SETD3: variants seen among roughly 807,000 people sequenced by gnomAD.
SETD3 encodes the protein SET domain containing 3, actin N3(tau)-histidine methyltransferase.
SETD3 carries 19 observed loss-of-function variants against 63.0 expected under a neutral mutation model. The ratio of observed to expected loss-of-function variants is 0.30; its 90% CI spans 0.21 to 0.44. SETD3 has a LOEUF of 0.44. Among genes scored for constraint, SETD3 ranks in the 20% least tolerant of loss-of-function variants. The pLI is 1.00. For synonymous variants in SETD3, 286 were observed against 264.1 expected, an observed-to-expected ratio of 1.08 and a Z score of -0.80; for missense variants, 587 against 728.5, an observed-to-expected ratio of 0.81 and a Z score of 2.24.
intron 1 of SETD3, among the ~76,000 whole-genome samples, chr14:99,470,512 G>C (rs1222917407): frequency 6.6e-6 from 1 of 152,178 alleles, no homozygotes; most frequent in South Asian, 2.1e-4. Context: ...TAGGGCACAG[G>C]ATCCTAGACC....
intron 6 of SETD3, among the ~76,000 whole-genome samples, chr14:99,440,334 G>T (rs970963922): frequency 6.6e-6 from 1 of 152,120 alleles, no homozygotes; most frequent in African/African-American, 2.4e-5. Context: ...CAAGCTCAGG[G>T]ACTAAACAAC....
intron 8 of SETD3, among the ~76,000 whole-genome samples, chr14:99,408,151 T>C (rs1410735249): frequency 1.3e-5 from 2 of 152,158 alleles, no homozygotes; most frequent in Admixed American, 6.5e-5. Context: ...GGGAATGGCA[T>C]TTTGGGATGG....
intron 1 of SETD3, among the ~76,000 whole-genome samples, chr14:99,475,798 C>T (rs1895943024): frequency 6.6e-6 from 1 of 152,186 alleles, no homozygotes; most frequent in Non-Finnish European, 1.5e-5. Context: ...TGAATTCATT[C>T]CCTCATTCCT....
intron 12 of SETD3, 128 bp from the exon 13 acceptor site, chr14:99,399,253 A>G: frequency 4.4e-6 from 3 of 678,546 alleles, no homozygotes; most frequent in Non-Finnish European, 7.6e-6. Context: ...CTAACACTTG[A>G]CTGGGCAGGT....
chr14:99,449,304 T>C (rs763466297), intron 6 of SETD3, among the ~76,000 whole-genome samples: 5 of 152,194 alleles, frequency 3.3e-5, no homozygotes, highest in Non-Finnish European at 5.9e-5. Flanking sequence ...ACAGGATATT[T>C]GATGGTGAGA....
chr14:99,398,615 C>A lies in SETD3; in HGVS notation c.*64G>T, dbSNP rs1174903911. 1.2e-5 allele frequency: 17 copies of A among 1,388,424 alleles called. No individual in the cohort carries two copies. The highest frequency in any genetic ancestry group is 1.7e-5 in the Non-Finnish European group (17 of 1,003,928). The allele number at this position is 1,388,424 out of a possible 1,614,324, so 86.0% of individuals were successfully genotyped here. A position where few individuals can be genotyped will look rare whatever the true frequency, so the allele number is the denominator to read the frequency against. ...GAAAAATGTTAACAAGGAAACACAG[C>A]GATGTGAACGGACTGTCCGTCAACT... On this transcript the variant is annotated 3_prime_UTR_variant, in exon 13 of 13. Coordinates refer to ENST00000331768, the MANE Select transcript of SETD3 (RefSeq NM_032233.3).
chr14:99,483,333 A>G (rs952235626), upstream of SETD3, among the ~76,000 whole-genome samples: 1 of 152,066 alleles, frequency 6.6e-6, no homozygotes, highest in African/African-American at 2.4e-5. Context: ...AGGATCACAC[A>G]AGCTCAGGAG....
chr14:99,450,414 C>T (rs1894393268), intron 6 of SETD3, among the ~76,000 whole-genome samples: 1 of 152,250 alleles, frequency 6.6e-6, no homozygotes, highest in African/African-American at 2.4e-5. Context: ...TATTTAGCCA[C>T]AACTGCCACA....
intron 1 of SETD3, among the ~76,000 whole-genome samples, chr14:99,478,984 T>G (rs1490468039): frequency 6.6e-6 from 1 of 152,208 alleles, no homozygotes; most frequent in South Asian, 2.1e-4. Context: ...GCAGCAGCCA[T>G]CACTTTCTTA....
chr14:99,400,219 A>T lies in SETD3; in HGVS notation c.1218T>A (p.Asp406Glu). 1 of 1,614,142 alleles carries T rather than the reference A, an allele frequency of 6.2e-7. No homozygotes were observed. The highest frequency in any genetic ancestry group is 8.5e-7 in the Non-Finnish European group (1 of 1,180,008). The change falls in exon 12 of 13, where the codon GAT (aspartate) becomes GAA (glutamate). Residue 406 changes from aspartate to glutamate, a missense_variant. By Grantham distance (45) the Asp-to-Glu change is conservative (BLOSUM62 2). Transcript: ENST00000331768. ...KEHLLGDSAIDRIFTLGNSEF... is the reference protein window; with the variant it reads ...KEHLLGDSAIERIFTLGNSEF... ...CCGAGTTCCCCAAGGTGAAGATTCT[A>T]TCAATAGCGCTGTCTCCCAGCAAGT...
rs568408410 is a variant in SETD3 at position 99,458,086 on chromosome 14, G to C, written c.675+193C>G. Among the ~76,000 whole-genome samples, 18 of 152,208 alleles carry C rather than the reference G, an allele frequency of 1.2e-4. No individual in the cohort carries two copies. In the South Asian group the frequency reaches 3.7e-3, roughly 32 times the overall value. On this transcript the variant is annotated intron_variant, in intron 6 of 12. Transcript: ENST00000331768. ...TTAACACTGGGCACTGATGAAATCA[G>C]ATATATATATGTAACCGCATTTCAT...
At chr14:99,436,255 A>G (rs1295563889) in intron 6 of SETD3, among the ~76,000 whole-genome samples, 1 of 152,158 alleles carries the variant, frequency 6.6e-6, no homozygotes, top group Admixed American at 6.5e-5. Flanking sequence ...CCAGATCACC[A>G]CCGTACTTCC....
chr14:99,465,689 A>G lies in SETD3; in HGVS notation c.103+14T>C. 6.2e-7 allele frequency: 1 copy of G among 1,606,410 alleles called. No homozygotes were observed. Among genetic ancestry groups the G allele is most frequent in the Non-Finnish European group, 8.5e-7 (1 of 1,173,338 alleles). ...CACCACATCAAGGCAGGGAGAGCCC[A>G]GAGGAGGACTTACTCTGCAGCAGCT... On this transcript the variant is annotated intron_variant, in intron 2 of 12. Coordinates refer to ENST00000331768, the MANE Select transcript of SETD3 (RefSeq NM_032233.3).
intron 11 of SETD3, among the ~76,000 whole-genome samples, chr14:99,403,190 C>T (rs1359259168): frequency 1.3e-5 from 2 of 152,164 alleles, no homozygotes; most frequent in Non-Finnish European, 2.9e-5. Context: ...AGCATGACGT[C>T]AAACCCTGGA....
chr14:99,424,088 C>T (rs1387033841), intron 6 of SETD3, among the ~76,000 whole-genome samples: 1 of 152,060 alleles, frequency 6.6e-6, no homozygotes, highest in Non-Finnish European at 1.5e-5. Flanking sequence ...CTTTTAAGCA[C>T]TACCTAGAAA....
intron 6 of SETD3, among the ~76,000 whole-genome samples, chr14:99,414,349 G>C (rs1465360307): frequency 6.6e-6 from 1 of 152,220 alleles, no homozygotes; most frequent in Non-Finnish European, 1.5e-5. Context: ...CCTTCTGAGA[G>C]GGTTCAAATC....
chr14:99,404,394 G>A (rs930953180), intron 10 of SETD3, 84 bp from the exon 11 acceptor site: 12 of 1,212,906 alleles, frequency 9.9e-6, no homozygotes, highest in Admixed American at 8.7e-5. Context: ...TCTACAGCAC[G>A]TGTGGTTGTC....
rs764864968 is a variant in SETD3, at chr14:99,461,257, C to T, written c.280G>A (p.Glu94Lys). Residue 94 changes from glutamate (E) to lysine (K), a missense_variant, in exon 4 of 13, where the codon GAG (glutamate) becomes AAG (lysine). Physicochemically the swap from Glu to Lys is moderately conservative, Grantham distance 56 (BLOSUM62 1). Coordinates refer to ENST00000331768, the MANE Select transcript of SETD3 (RefSeq NM_032233.3). ...TTGAAGTTAACCATTTCAAAACCCT[C>T]GACAGAAGCCCCATTTTCAGAGGCC... The part of the protein sequence containing the change: ...KWASENGASV[E>K]GFEMVNFKEE... 1.2e-5 allele frequency: 19 copies of T among 1,614,084 alleles called. No individual in the cohort carries two copies. In the East Asian group the frequency reaches 1.6e-4, roughly 13 times the overall value.
At chr14:99,401,945 G>A (rs1891409158) in intron 11 of SETD3, among the ~76,000 whole-genome samples, 1 of 152,188 alleles carries the variant, frequency 6.6e-6, no homozygotes, top group South Asian at 2.1e-4. Flanking sequence ...AGGGGAGTAA[G>A]ACAATGTAGC....
Sources: gnomAD v4.1 joint callset for allele counts (sites outside exome capture counted in the v4.1 genomes callset) on GRCh38, gnomAD v4.1.1 for gene constraint, MANE v1.5 for transcripts, NCBI Gene and HGNC (gene_info 2026-07-23, HGNC 2026-07-21) for gene names.